MBD5: variants seen among roughly 807,000 people sequenced by gnomAD.
MBD5 encodes the protein methyl-CpG-binding domain protein 5.
Under a neutral mutation model 117.3 loss-of-function variants are expected in MBD5, and 13 were observed. That is an observed-to-expected ratio of 0.11 (90% CI 0.07 to 0.18). The LOEUF (loss-of-function observed/expected upper bound fraction) is 0.18. Ranked by LOEUF, MBD5 falls within the 10% of genes least tolerant of loss-of-function variation. The pLI is 1.00. For synonymous variants in MBD5, 727 were observed against 766.4 expected (o/e 0.95, Z 0.85); for missense variants, 1,879 against 2,093.8 (o/e 0.90, Z 2.00).
At chr2:148,404,805 C>T (rs1469637770) in intron 4 of MBD5, among the ~76,000 whole-genome samples, 1 of 152,106 alleles carries the variant, frequency 6.6e-6, no homozygotes, top group Admixed American at 6.6e-5. Flanking sequence ...TCCAGGTTGA[C>T]TTGAAGCCAG....
chr2:148,325,722 C>A (rs1033128272), intron 3 of MBD5, among the ~76,000 whole-genome samples: 6 of 152,010 alleles, frequency 3.9e-5, no homozygotes, highest in African/African-American at 1.4e-4. Context: ...TGATTCTTCT[C>A]TCTTTTTTTC....
At chr2:148,173,171 G>A (rs1196477531) in intron 1 of MBD5, among the ~76,000 whole-genome samples, 2 of 152,224 alleles carry the variant, frequency 1.3e-5, no homozygotes, top group Non-Finnish European at 2.9e-5. Flanking sequence ...AAGACGAGCT[G>A]TAACCCTTCT....
upstream of MBD5, chr2:148,021,064 C>T (rs564880702): frequency 6.5e-6 from 1 of 154,322 alleles, no homozygotes; most frequent in East Asian, 1.9e-4. Context: ...CCTCCCGTCT[C>T]TTCTACCCGA....
chr2:148,262,838 T>A (rs1041083277), intron 3 of MBD5, among the ~76,000 whole-genome samples: 1 of 152,202 alleles, frequency 6.6e-6, no homozygotes, highest in African/African-American at 2.4e-5. Context: ...TTTAGATAGA[T>A]TGTTTTGACT....
At chr2:148,149,049 A>C in intron 1 of MBD5, among the ~76,000 whole-genome samples, 1 of 152,000 alleles carries the variant, frequency 6.6e-6, no homozygotes, top group Non-Finnish European at 1.5e-5. Context: ...CTAAATCGTC[A>C]TCTAGCATTA....
chr2:148,050,884 G>C (rs1051100144), intron 1 of MBD5, among the ~76,000 whole-genome samples: 2 of 151,990 alleles, frequency 1.3e-5, no homozygotes, highest in Admixed American at 6.6e-5. Flanking sequence ...TTCTAAGATT[G>C]TTTTAGCTAT....
At chr2:148,278,920 T>C (rs1034161518) in intron 3 of MBD5, among the ~76,000 whole-genome samples, 3 of 152,196 alleles carry the variant, frequency 2.0e-5, no homozygotes, top group African/African-American at 7.2e-5. Flanking sequence ...CCTGGAGTTC[T>C]GAAGTCCCAA....
intron 1 of MBD5, among the ~76,000 whole-genome samples, chr2:148,112,519 A>G (rs1285549961): frequency 6.6e-6 from 1 of 152,174 alleles, no homozygotes; most frequent in Non-Finnish European, 1.5e-5. Context: ...AACACTTTGC[A>G]AAGTAACATA....
chr2:148,119,465 T>G (rs1453060827), intron 1 of MBD5, among the ~76,000 whole-genome samples: 1 of 152,230 alleles, frequency 6.6e-6, no homozygotes, highest in African/African-American at 2.4e-5. Flanking sequence ...GGTTTTCACC[T>G]TCTTGATGGT....
intron 4 of MBD5, among the ~76,000 whole-genome samples, chr2:148,383,800 T>A (rs1260721209): frequency 6.6e-6 from 1 of 152,088 alleles, no homozygotes; most frequent in African/African-American, 2.4e-5. Context: ...GCAAGGCTGG[T>A]TCAACATATG....
At chr2:148,394,545 GTT>G (rs71856376) in intron 4 of MBD5, among the ~76,000 whole-genome samples, 85,450 of 122,420 alleles carry the variant, frequency 0.7, 28,797 homozygotes, top group African/African-American at 0.83. Context: ...CTGTACTTTG[GTT>G]TTTTTTTTTT....
chr2:148,188,540 G>T (rs1384086332), intron 2 of MBD5, among the ~76,000 whole-genome samples: 1 of 151,930 alleles, frequency 6.6e-6, no homozygotes. Context: ...TAAAAAATTA[G>T]CCAGGCATAC....
At chr2:148,033,991 T>C (rs1694115303) in intron 1 of MBD5, among the ~76,000 whole-genome samples, 1 of 152,198 alleles carries the variant, frequency 6.6e-6, no homozygotes, top group Non-Finnish European at 1.5e-5. Context: ...CTTATTAGAA[T>C]GTTTGACAGC....
chr2:148,051,558 A>G (rs1407272414), intron 1 of MBD5, among the ~76,000 whole-genome samples: 3 of 150,610 alleles, frequency 2.0e-5, no homozygotes, highest in Non-Finnish European at 3.0e-5. Context: ...AGGTTTTCAC[A>G]GATGTTCTGT....
chr2:148,468,647 G>A lies in MBD5; in HGVS notation c.704G>A (p.Gly235Asp), dbSNP rs191266722. Residue 235 changes from glycine to aspartate, a missense_variant, in exon 8 of 14, where the codon GGT (glycine) becomes GAT (aspartate). Transcript: ENST00000642680. ...ASSGSQIYGD[G>D]SISPRTDPLG... is the part of the protein sequence containing the mutation. ...TCAGGTTCCCAGATATATGGAGATG[G>A]TTCAATCTCTCCAAGGACTGACCCA... is the stretch of plus-strand genomic sequence containing the variant. 1.2e-6 allele frequency: 2 copies of A among 1,613,892 alleles called. No individual in the cohort carries two copies. Among genetic ancestry groups the A allele is most frequent in the East Asian group, 2.2e-5 (1 of 44,868 alleles).
intron 4 of MBD5, among the ~76,000 whole-genome samples, chr2:148,355,455 G>A (rs1229065440): frequency 2.6e-5 from 4 of 152,006 alleles, no homozygotes; most frequent in African/African-American, 9.7e-5. Context: ...GTTCATTTTT[G>A]TATAAGGTGT....
chr2:148,250,523 C>T (rs1345250474), intron 3 of MBD5, among the ~76,000 whole-genome samples: 3 of 152,178 alleles, frequency 2.0e-5, no homozygotes, highest in Non-Finnish European at 1.5e-5. Flanking sequence ...ACAACTAGGG[C>T]TTTTCTGCTT....
intron 4 of MBD5, among the ~76,000 whole-genome samples, chr2:148,445,185 G>A (rs986697591): frequency 4.0e-5 from 6 of 150,874 alleles, no homozygotes; most frequent in East Asian, 1.9e-4. Flanking sequence ...TGTGCACAAC[G>A]TGCAGGTTTG....
intron 3 of MBD5, among the ~76,000 whole-genome samples, chr2:148,305,928 T>G (rs1336951049): frequency 1.3e-5 from 2 of 152,186 alleles, no homozygotes; most frequent in Non-Finnish European, 2.9e-5. Flanking sequence ...AAACAAAATT[T>G]TTTACAATCT....
Sources: allele counts gnomAD v4.1 joint callset (sites outside exome capture counted in the v4.1 genomes callset), GRCh38; gene constraint gnomAD v4.1.1; transcripts MANE v1.5; gene names NCBI Gene and HGNC (gene_info 2026-07-23, HGNC 2026-07-21).